SNTB2: variants seen among roughly 807,000 people sequenced by gnomAD.
SNTB2 encodes beta-2-syntrophin.
SNTB2 carries 34 observed loss-of-function variants against 46.2 expected under a neutral mutation model. The ratio of observed to expected loss-of-function variants is 0.74; its 90% CI spans 0.56 to 0.98. The LOEUF (loss-of-function observed/expected upper bound fraction) is 0.98. SNTB2 is among the 50% of genes least tolerant of loss of function. The pLI, the probability that SNTB2 is intolerant of heterozygous loss-of-function variation, is 0.00. For synonymous variants in SNTB2, 290 were observed against 312.6 expected, an observed-to-expected ratio of 0.93 and a Z score of 0.76; for missense variants, 603 against 731.4, an observed-to-expected ratio of 0.82 and a Z score of 2.02.
intron 5 of SNTB2, among the ~76,000 whole-genome samples, chr16:69,290,871 A>G (rs1965153714): frequency 1.3e-5 from 2 of 152,212 alleles, no homozygotes; most frequent in Non-Finnish European, 2.9e-5. Flanking sequence ...CTCCAGAACT[A>G]GAGCCTTAAG....
rs1195320680 is a variant in SNTB2, at chr16:69,292,352, TTTTA to T, written c.1346-7236_1346-7233del. On this transcript the variant is annotated intron_variant, in intron 5 of 6. Transcript: ENST00000336278. ...TGTATTTACCATTGTTCACCTTATT[TTTTA>T]TATATATATATATATATATATATTA... 6.5e-4 allele frequency among the ~76,000 whole-genome samples: 38 copies of T among 58,664 alleles called. 7 individuals carry two copies. The highest frequency in any genetic ancestry group is 3.7e-3 in the East Asian group (7 of 1,910). 38.5% of individuals were successfully genotyped at this position (58,664 alleles called of 152,430 possible).
chr16:69,289,090 A>T (rs1965134535), intron 5 of SNTB2, among the ~76,000 whole-genome samples: 1 of 151,802 alleles, frequency 6.6e-6, no homozygotes, highest in East Asian at 1.9e-4. Context: ...ACCAACATGG[A>T]GAAACCCCAT....
chr16:69,212,328 G>GTATT (rs71254073), intron 1 of SNTB2, among the ~76,000 whole-genome samples: 20,414 of 150,834 alleles, frequency 0.14, 1,711 homozygotes, highest in Non-Finnish European at 0.19. Context: ...CTTTGTGTTT[G>GTATT]TATTTATTTA....
At chr16:69,289,301 T>C (rs554068285) in intron 5 of SNTB2, among the ~76,000 whole-genome samples, 1 of 147,866 alleles carries the variant, frequency 6.8e-6, no homozygotes, top group South Asian at 2.1e-4. Flanking sequence ...GTTGATCTCA[T>C]GGATGTAGAC....
intron 4 of SNTB2, among the ~76,000 whole-genome samples, chr16:69,271,814 G>A (rs1186756857): frequency 2.0e-5 from 3 of 152,122 alleles, no homozygotes; most frequent in Admixed American, 6.5e-5. Flanking sequence ...AATTTACCAC[G>A]TTCCGTAGAA....
intron 1 of SNTB2, among the ~76,000 whole-genome samples, chr16:69,216,234 C>T (rs963143059): frequency 3.9e-5 from 6 of 152,134 alleles, no homozygotes; most frequent in Non-Finnish European, 4.4e-5. Flanking sequence ...TTTCTGAAAT[C>T]CATGAAAATG....
intron 4 of SNTB2, among the ~76,000 whole-genome samples, chr16:69,281,999 G>A (rs1465773330): frequency 7.0e-6 from 1 of 143,796 alleles, no homozygotes; most frequent in African/African-American, 2.6e-5. Flanking sequence ...CCACCTTCCC[G>A]GGTTCAAGCG....
chr16:69,187,773 G>GGGGGGGGGGGGC, intron 1 of SNTB2, 27 bp downstream of exon 1: 1 of 331,852 alleles, frequency 3.0e-6, no homozygotes, highest in Non-Finnish European at 5.5e-6. Flanking sequence ...GGGAGGGTGG[G>GGGGGGGGGGGGC]CAGGCCGCGG....
intron 5 of SNTB2, among the ~76,000 whole-genome samples, chr16:69,295,539 C>G (rs1019027279): frequency 1.3e-5 from 2 of 152,040 alleles, no homozygotes; most frequent in Non-Finnish European, 2.9e-5. Context: ...TGAGCCACCG[C>G]GCCCAGCCAA....
Position 69,187,418 on chromosome 16 carries a change from C to A in SNTB2, c.252C>A (p.Pro84=). ...PNGGGAGDSL[P]GSPSRGLGPP... is the part of the protein sequence containing the mutation. ...GCGGCGGCGCGGGCGACTCGCTGCCCGGGAGCCCAAGCCGCGGCCTGGGGC... is the reference window on the plus strand; with the variant it reads ...GCGGCGGCGCGGGCGACTCGCTGCCAGGGAGCCCAAGCCGCGGCCTGGGGC... The change falls in exon 1 of 7, where the codon CCC becomes CCA. Residue 84 remains proline, a synonymous_variant. Transcript: ENST00000336278. The A allele has an allele frequency of 8.2e-7, 1 of 1,222,694 alleles. No individual in the cohort carries two copies. Among genetic ancestry groups the A allele is most frequent in the African/African-American group, 1.6e-5 (1 of 62,980 alleles). 75.7% of individuals were successfully genotyped at this position (1,222,694 alleles called of 1,614,324 possible). A position where few individuals can be genotyped will look rare whatever the true frequency, so the allele number is the denominator to read the frequency against.
intron 2 of SNTB2, among the ~76,000 whole-genome samples, chr16:69,249,064 C>T (rs964427049): frequency 2.0e-5 from 3 of 147,640 alleles, no homozygotes; most frequent in South Asian, 2.1e-4. Flanking sequence ...TCACTCCCCT[C>T]GCCTAGGCTA....
intron 2 of SNTB2, among the ~76,000 whole-genome samples, chr16:69,246,128 T>A (rs1223787614): frequency 6.6e-6 from 1 of 152,224 alleles, no homozygotes; most frequent in African/African-American, 2.4e-5. Context: ...TGTTATTACT[T>A]TTTTCACTAT....
chr16:69,224,842 T>C (rs1181602978), intron 1 of SNTB2, among the ~76,000 whole-genome samples: 1 of 152,218 alleles, frequency 6.6e-6, no homozygotes, highest in African/African-American at 2.4e-5. Context: ...CCAGCTTTTG[T>C]TTTTATTACT....
chr16:69,195,382 T>G (rs1328870863), intron 1 of SNTB2, among the ~76,000 whole-genome samples: 1 of 152,088 alleles, frequency 6.6e-6, no homozygotes, highest in African/African-American at 2.4e-5. Context: ...GTGATCCTCT[T>G]GCCTTAACCT....
chr16:69,284,038 G>C lies in SNTB2; in HGVS notation c.1149-10G>C. The C allele has an allele frequency of 6.3e-7, 1 of 1,593,832 alleles. No homozygotes were observed. Among genetic ancestry groups the C allele is most frequent in the Non-Finnish European group, 8.6e-7 (1 of 1,167,246 alleles). On this transcript the variant is annotated splice_polypyrimidine_tract_variant and intron_variant, in intron 4 of 6. Coordinates refer to ENST00000336278, the MANE Select transcript of SNTB2 (RefSeq NM_006750.4). ...GTTACTTTTGATCTCTGCTCTGTTT[G>C]TGGTCCTAGGTTGGTTCATTCTGGC...
chr16:69,279,457 T>C (rs1419684556), intron 4 of SNTB2, among the ~76,000 whole-genome samples: 1 of 151,846 alleles, frequency 6.6e-6, no homozygotes, highest in Non-Finnish European at 1.5e-5. Flanking sequence ...TGGGCAAATA[T>C]GTTCAAGATC....
At chr16:69,243,521 TC>T (rs1456703306) in intron 1 of SNTB2, among the ~76,000 whole-genome samples, 64 of 152,336 alleles carry the variant, frequency 4.2e-4, no homozygotes, top group African/African-American at 1.4e-3. Flanking sequence ...ACTGAGTAGA[TC>T]GTTAAGGGTT....
At chr16:69,247,157 A>G (rs1173359341) in intron 2 of SNTB2, among the ~76,000 whole-genome samples, 1 of 151,964 alleles carries the variant, frequency 6.6e-6, no homozygotes, top group East Asian at 1.9e-4. Flanking sequence ...GTATAGAGTT[A>G]GAGGTCTGCA....
chr16:69,215,193 G>C (rs1268626354), intron 1 of SNTB2, among the ~76,000 whole-genome samples: 1 of 152,154 alleles, frequency 6.6e-6, no homozygotes, highest in Middle Eastern at 3.2e-3. Flanking sequence ...TTACCATCCT[G>C]GGTAATGCAG....
Sources: gnomAD v4.1 joint callset for allele counts (sites outside exome capture counted in the v4.1 genomes callset) on GRCh38, gnomAD v4.1.1 for gene constraint, MANE v1.5 for transcripts, NCBI Gene and HGNC (gene_info 2026-07-23, HGNC 2026-07-21) for gene names.